The following ARHGEF11 variants were observed in gnomAD, a reference collection of about 807,000 sequenced individuals.
The protein encoded by ARHGEF11 is Rho guanine exchange factor (GEF) 11.
ARHGEF11 carries 55 observed loss-of-function variants against 193.7 expected under a neutral mutation model. The ratio of observed to expected loss-of-function variants is 0.28; its 90% CI spans 0.23 to 0.36. The LOEUF is 0.36. ARHGEF11 is among the 10% of genes least tolerant of loss of function. The pLI is 1.00. For missense variants in ARHGEF11, 1,723 were observed against 2,005.6 expected (o/e 0.86, Z 2.69); for synonymous variants, 693 against 768.0 (o/e 0.90, Z 1.62).
At chr1:156,963,162 T>A in intron 13 of ARHGEF11, 41 bp downstream of exon 13, 1 of 1,511,174 alleles carries the variant, frequency 6.6e-7, no homozygotes, top group Non-Finnish European at 9.2e-7. Flanking sequence ...CTCTGCCCAG[T>A]ACCAGCAGGC....
At chr1:157,011,423 C>T (rs1034426404) in intron 1 of ARHGEF11, among the ~76,000 whole-genome samples, 1 of 152,006 alleles carries the variant, frequency 6.6e-6, no homozygotes, top group Admixed American at 6.6e-5. Flanking sequence ...TTGAGTTAGG[C>T]AGTGGTTTTC....
intron 32 of ARHGEF11, among the ~76,000 whole-genome samples, chr1:156,943,065 C>CTT (rs112741222): frequency 7.1e-6 from 1 of 140,480 alleles, no homozygotes; most frequent in Non-Finnish European, 1.5e-5. Flanking sequence ...AGTTATAAAA[C>CTT]TTTTTTTTTT....
At chr1:157,005,321 C>A (rs1221882955) in intron 1 of ARHGEF11, among the ~76,000 whole-genome samples, 1 of 152,144 alleles carries the variant, frequency 6.6e-6, no homozygotes, top group Non-Finnish European at 1.5e-5. Flanking sequence ...TGTTGACCGC[C>A]TTCAGAGGGT....
intron 1 of ARHGEF11, among the ~76,000 whole-genome samples, chr1:157,000,971 G>C (rs1414474404): frequency 2.6e-5 from 4 of 152,176 alleles, no homozygotes; most frequent in African/African-American, 9.7e-5. Flanking sequence ...GTGCAGACAG[G>C]GGAGGTTATT....
intron 18 of ARHGEF11, among the ~76,000 whole-genome samples, chr1:156,957,153 A>G (rs954013600): frequency 5.3e-5 from 8 of 152,168 alleles, no homozygotes; most frequent in Non-Finnish European, 1.5e-5. Flanking sequence ...TGTACCCACA[A>G]TTTGCTGGAT....
chr1:156,960,975 C>T (rs1660746944), intron 14 of ARHGEF11, among the ~76,000 whole-genome samples: 1 of 152,236 alleles, frequency 6.6e-6, no homozygotes, highest in African/African-American at 2.4e-5. Flanking sequence ...CAGCTCTAAC[C>T]TCCCTACTCA....
intron 1 of ARHGEF11, among the ~76,000 whole-genome samples, chr1:157,042,314 G>T (rs1486014954): frequency 6.6e-6 from 1 of 152,202 alleles, no homozygotes; most frequent in Non-Finnish European, 1.5e-5. Context: ...GGAAGACCTT[G>T]ACTGCTGACG....
intron 28 of ARHGEF11, among the ~76,000 whole-genome samples, 163 bp from the exon 29 acceptor site, chr1:156,946,325 G>A (rs1365553729): frequency 6.6e-6 from 1 of 152,166 alleles, no homozygotes; most frequent in Admixed American, 6.5e-5. Context: ...TGTAGAGAAG[G>A]GTGTGTGGTG....
At chr1:156,977,152 A>T in intron 6 of ARHGEF11, 98 bp from the exon 7 acceptor site, 1 of 1,012,360 alleles carries the variant, frequency 9.9e-7, no homozygotes, top group East Asian at 2.4e-5. Context: ...AGCTATGAGA[A>T]TAGAGCCTGG....
At position 156,948,137 on chromosome 1, in the gene ARHGEF11, A is replaced by C. The variant is rs755397159; in HGVS notation, c.2153+44T>G. ...AGAGGAGCAGCTGGGTGTGGATGGG[A>C]CACAGAGACACCAAACAGAGGCACC... On this transcript the variant is annotated intron_variant, in intron 24 of 40. Transcript: ENST00000368194. This position sits in a 1 kb window ranked among gnomAD's most constrained non-coding sequence, Gnocchi z 4.2. The C allele has an allele frequency of 1.3e-6, 2 of 1,544,220 alleles. No homozygotes were observed. Among genetic ancestry groups the C allele is most frequent in the East Asian group, 4.5e-5 (2 of 44,262 alleles).
intron 1 of ARHGEF11, among the ~76,000 whole-genome samples, chr1:157,035,287 G>A (rs1671767079): frequency 6.6e-6 from 1 of 152,130 alleles, no homozygotes; most frequent in East Asian, 1.9e-4. Context: ...GGTAATTCAA[G>A]CATGGGTATT....
At chr1:157,009,769 G>A (rs1668330513) in intron 1 of ARHGEF11, among the ~76,000 whole-genome samples, 1 of 152,152 alleles carries the variant, frequency 6.6e-6, no homozygotes, top group Non-Finnish European at 1.5e-5. Flanking sequence ...GGCTGGAAAC[G>A]CTGAAAGACA....
intron 1 of ARHGEF11, among the ~76,000 whole-genome samples, chr1:157,018,060 A>G (rs1669494191): frequency 6.6e-6 from 1 of 152,212 alleles, no homozygotes; most frequent in African/African-American, 2.4e-5. Flanking sequence ...AAAATAAATG[A>G]AAATTGATAA....
Position 157,002,613 on chromosome 1 carries a change from T to G in ARHGEF11, c.33-16440A>C, listed in dbSNP as rs531097307. On this transcript the variant is annotated intron_variant, in intron 1 of 40. Transcript: ENST00000368194. ...TGTTATCAAATCATTTCATCCATAT[T>G]GTTCATATCTCACTCCAACTAGATG... Among the ~76,000 whole-genome samples, 15 of 152,328 alleles carry G rather than the reference T, an allele frequency of 9.8e-5. No homozygotes were observed. In the East Asian group the frequency reaches 2.9e-3, roughly 29 times the overall value.
intron 1 of ARHGEF11, among the ~76,000 whole-genome samples, chr1:157,013,144 C>T (rs528255511): frequency 6.6e-6 from 1 of 152,090 alleles, no homozygotes; most frequent in Admixed American, 6.5e-5. Flanking sequence ...CTCTGCCAGA[C>T]CTCTAGCCAC....
intron 1 of ARHGEF11, among the ~76,000 whole-genome samples, chr1:157,028,148 CCT>C (rs1269933925): frequency 1.3e-5 from 2 of 152,128 alleles, no homozygotes; most frequent in African/African-American, 2.4e-5. Context: ...ACGTTAAGCC[CCT>C]GTTTGGGAGC....
intron 1 of ARHGEF11, among the ~76,000 whole-genome samples, chr1:157,039,021 A>G (rs1672412010): frequency 6.6e-6 from 1 of 152,142 alleles, no homozygotes; most frequent in African/African-American, 2.4e-5. Context: ...CCCTGTCCCA[A>G]AAAACAAAAA....
rs1673179026 is a variant in ARHGEF11 at position 157,045,042 on chromosome 1, T to A, written c.-712A>T. 6.6e-6 allele frequency: 1 copy of A among 150,964 alleles called. No individual in the cohort carries two copies. The highest frequency in any genetic ancestry group is 2.1e-4 in the South Asian group (1 of 4,776). 9.4% of individuals were successfully genotyped at this position (150,964 alleles called of 1,614,324 possible). On this transcript the variant is annotated 5_prime_UTR_variant, in exon 1 of 41. Transcript: ENST00000368194. The stretch of plus-strand genomic sequence containing the variant: ...CTTAAAAAAAAAAAAGCTTTTACAT[T>A]AAATGTTTTGAAATTCTTAAATGAG...
intron 32 of ARHGEF11, among the ~76,000 whole-genome samples, chr1:156,943,601 G>A (rs1330135208): frequency 2.6e-5 from 4 of 152,186 alleles, no homozygotes; most frequent in Non-Finnish European, 2.9e-5. Context: ...TAGCAGAAAG[G>A]CTTGTCCTAC....
Sources: gnomAD v4.1 joint callset for allele counts (sites outside exome capture counted in the v4.1 genomes callset) on GRCh38, gnomAD v4.1.1 for gene constraint, Gnocchi (gnomAD v3.1) non-coding constraint, MANE v1.5 for transcripts, NCBI Gene and HGNC (gene_info 2026-07-23, HGNC 2026-07-21) for gene names.